Variants in IQCJ observed in about 807,000 individuals in gnomAD.
IQCJ encodes IQ motif containing J.
IQCJ carries 9 observed loss-of-function variants against 11.0 expected under a neutral mutation model. The ratio of observed to expected loss-of-function variants is 0.82; its 90% CI spans 0.49 to 1.43. The LOEUF (loss-of-function observed/expected upper bound fraction) is 1.43. Ranked by LOEUF, IQCJ falls within the 40% of genes most tolerant of loss-of-function variation. The pLI, the probability that IQCJ is intolerant of heterozygous loss-of-function variation, is 0.00. For synonymous variants in IQCJ, 55 were observed against 51.3 expected, an observed-to-expected ratio of 1.07 and a Z score of -0.31; for missense variants, 146 against 133.2, an observed-to-expected ratio of 1.10 and a Z score of -0.47.
intron 1 of IQCJ, among the ~76,000 whole-genome samples, chr3:159,085,524 A>G (rs996408866): frequency 1.3e-5 from 2 of 150,116 alleles, no homozygotes; most frequent in African/African-American, 4.9e-5. Flanking sequence ...ACTGGTTTAC[A>G]GTCCCACCAA....
At chr3:159,233,908 G>A (rs555123704) in intron 1 of IQCJ, among the ~76,000 whole-genome samples, 10 of 152,272 alleles carry the variant, frequency 6.6e-5, no homozygotes, top group African/African-American at 1.9e-4. Flanking sequence ...AGATCTAAAT[G>A]GAAGGAGTTG....
At chr3:159,085,406 G>A (rs1716661447) in intron 1 of IQCJ, among the ~76,000 whole-genome samples, 2 of 152,146 alleles carry the variant, frequency 1.3e-5, no homozygotes, top group South Asian at 4.2e-4. Flanking sequence ...AAAGCAGCAT[G>A]ATTTATAGTC....
At chr3:159,234,579 A>G (rs975907571) in intron 1 of IQCJ, among the ~76,000 whole-genome samples, 20 of 152,162 alleles carry the variant, frequency 1.3e-4, no homozygotes, top group African/African-American at 4.8e-4. Flanking sequence ...CAAGGCAAAA[A>G]CATTGCTTGA....
At chr3:159,116,646 A>G (rs1024101093) in intron 1 of IQCJ, among the ~76,000 whole-genome samples, 5 of 36,924 alleles carry the variant, frequency 1.4e-4, no homozygotes, top group African/African-American at 4.7e-4. Context: ...ATATATATAT[A>G]TATATATATA....
At chr3:159,222,490 A>G (rs756237744) in intron 1 of IQCJ, among the ~76,000 whole-genome samples, 13 of 152,296 alleles carry the variant, frequency 8.5e-5, no homozygotes, top group Middle Eastern at 3.4e-3. Flanking sequence ...TGTGGAATTA[A>G]AAAGTCAAAT....
At chr3:159,190,243 T>G (rs977796895) in intron 1 of IQCJ, among the ~76,000 whole-genome samples, 38 of 152,212 alleles carry the variant, frequency 2.5e-4, no homozygotes, top group African/African-American at 9.2e-4. Context: ...CATTTGATCC[T>G]GGGATCTTGC....
intron 1 of IQCJ, among the ~76,000 whole-genome samples, chr3:159,221,077 G>A (rs1460575987): frequency 6.6e-6 from 1 of 152,150 alleles, no homozygotes; most frequent in Non-Finnish European, 1.5e-5. Context: ...AATTTAGGAA[G>A]TCAGAAAAAC....
At chr3:159,202,113 G>A (rs1414165610) in intron 1 of IQCJ, among the ~76,000 whole-genome samples, 1 of 152,174 alleles carries the variant, frequency 6.6e-6, no homozygotes, top group African/African-American at 2.4e-5. Context: ...GCAAACTCAT[G>A]TGTACATGTA....
At chr3:159,116,601 A>C (rs1719014165) in intron 1 of IQCJ, among the ~76,000 whole-genome samples, 1 of 121,992 alleles carries the variant, frequency 8.2e-6, no homozygotes, top group Non-Finnish European at 1.7e-5. Context: ...CTATTTTAGC[A>C]TCCTGCTCAT....
intron 1 of IQCJ, among the ~76,000 whole-genome samples, chr3:159,072,029 A>G (rs1352669675): frequency 6.6e-6 from 1 of 152,144 alleles, no homozygotes; most frequent in African/African-American, 2.4e-5. Flanking sequence ...TTTATTAAGC[A>G]TCACATTGCC....
chr3:159,122,567 A>G (rs1262336117), intron 1 of IQCJ, among the ~76,000 whole-genome samples: 2 of 152,192 alleles, frequency 1.3e-5, no homozygotes, highest in Non-Finnish European at 2.9e-5. Flanking sequence ...TCCTGATAAT[A>G]TTATTTCCTT....
At chr3:159,181,439 A>G (rs1577064585) in intron 1 of IQCJ, among the ~76,000 whole-genome samples, 1 of 147,058 alleles carries the variant, frequency 6.8e-6, no homozygotes, top group Non-Finnish European at 1.5e-5. Flanking sequence ...CTTCCTGCCC[A>G]GTGAGAATGA....
chr3:159,121,411 G>A (rs1719376921), intron 1 of IQCJ, among the ~76,000 whole-genome samples: 1 of 152,132 alleles, frequency 6.6e-6, no homozygotes, highest in Admixed American at 6.5e-5. Flanking sequence ...TAGGATTACA[G>A]GTATGAGCCG....
chr3:159,071,871 CAT>C (rs1427803358), intron 1 of IQCJ, among the ~76,000 whole-genome samples: 1 of 152,076 alleles, frequency 6.6e-6, no homozygotes, highest in Non-Finnish European at 1.5e-5. Context: ...TACTTCCCCT[CAT>C]ACAATAGTTT....
chr3:159,158,254 G>C (rs1288481740), intron 1 of IQCJ, among the ~76,000 whole-genome samples: 1 of 152,170 alleles, frequency 6.6e-6, no homozygotes, highest in Non-Finnish European at 1.5e-5. Flanking sequence ...AAGCTGCAGG[G>C]CTGATGTATC....
intron 1 of IQCJ, among the ~76,000 whole-genome samples, chr3:159,128,586 G>A (rs1425285724): frequency 2.0e-5 from 3 of 152,044 alleles, no homozygotes; most frequent in Non-Finnish European, 4.4e-5. Context: ...CATGCCCCTC[G>A]TTTCTAGACT....
intron 1 of IQCJ, among the ~76,000 whole-genome samples, chr3:159,153,473 G>T (rs538404142): frequency 1.3e-5 from 2 of 152,222 alleles, no homozygotes; most frequent in Admixed American, 6.5e-5. Context: ...ATTAATTCCC[G>T]TTCATTTCTT....
At chr3:159,231,881 G>A (rs563286679) in intron 1 of IQCJ, among the ~76,000 whole-genome samples, 2 of 152,172 alleles carry the variant, frequency 1.3e-5, no homozygotes, top group South Asian at 4.1e-4. Context: ...GTCCAGGAAT[G>A]TATCCATTTC....
At position 159,200,030 on chromosome 3, in the gene IQCJ, C is replaced by CTATATATATATA. The variant is rs368929112; in HGVS notation, c.10-45806_10-45795dup. Among the ~76,000 whole-genome samples, 642 of 119,662 alleles carry CTATATATATATA rather than the reference C, an allele frequency of 5.4e-3. 7 individuals are homozygous for CTATATATATATA. The highest frequency in any genetic ancestry group is 0.019 in the African/African-American group (582 of 30,224). The allele number at this position is 119,662 out of a possible 152,430, so 78.5% of individuals were successfully genotyped here. On this transcript the variant is annotated intron_variant, in intron 1 of 3. Coordinates refer to ENST00000397832, the MANE Select transcript of IQCJ (RefSeq NM_001042706.3). ...TAAGATTGTTATAAGGAGTAAACGA[C>CTATATATATATA]TATATATATATATATATAAATCTAA...
Sources: allele counts gnomAD v4.1 joint callset (sites outside exome capture counted in the v4.1 genomes callset), GRCh38; gene constraint gnomAD v4.1.1; transcripts MANE v1.5; gene names NCBI Gene and HGNC (gene_info 2026-07-23, HGNC 2026-07-21).